Variants in RYR2 observed in about 807,000 individuals in gnomAD.
RYR2 encodes the protein ryanodine receptor 2.
In RYR2, 227 loss-of-function variants were observed where a neutral mutation model predicts 601.1. The ratio of observed to expected loss-of-function variants is 0.38; its 90% CI spans 0.34 to 0.42. The LOEUF (loss-of-function observed/expected upper bound fraction) is 0.42. Among genes scored for constraint, RYR2 ranks in the 10% least tolerant of loss-of-function variants. The pLI is 1.00. For synonymous variants in RYR2, 2,223 were observed against 2,175.1 expected (o/e 1.02, Z -0.61); for missense variants, 4,646 against 6,156.5 (o/e 0.75, Z 8.21).
intron 90 of RYR2, among the ~76,000 whole-genome samples, chr1:237,785,338 T>G (rs1695462390): frequency 6.6e-6 from 1 of 152,222 alleles, no homozygotes; most frequent in Non-Finnish European, 1.5e-5. Context: ...GTTCTGTGAT[T>G]TTCTTTGGCA....
intron 35 of RYR2, among the ~76,000 whole-genome samples, chr1:237,603,788 C>G (rs976663247): frequency 2.0e-5 from 3 of 152,124 alleles, no homozygotes; most frequent in African/African-American, 7.2e-5. Context: ...TCTGATAAAA[C>G]AGACTTTAAA....
chr1:237,654,214 GAA>G (rs3831940), intron 51 of RYR2, 58 bp from the exon 52 acceptor site: 56 of 1,566,022 alleles, frequency 3.6e-5, no homozygotes, highest in African/African-American at 1.7e-4. Flanking sequence ...GAGGAGAAAT[GAA>G]AAAAAAATAT....
Position 237,042,626 on chromosome 1 carries a change from A to G in RYR2, c.48+57A>G, listed in dbSNP as rs990618401. ...GGAAGGGGGCGTCAGGGCATCCACT[A>G]GCGGGGTCCGGGCAGAGTGACAGCG... is the stretch of plus-strand genomic sequence containing the variant. On this transcript the variant is annotated intron_variant, in intron 1 of 104. Transcript: ENST00000366574. 2.4e-6 allele frequency: 3 copies of G among 1,243,708 alleles called. No homozygotes were observed. The African/African-American group carries it at 4.7e-5, about 19-fold the overall frequency. 77.0% of individuals were successfully genotyped at this position (1,243,708 alleles called of 1,614,324 possible).
At chr1:237,742,274 T>C (rs1246004862) in intron 79 of RYR2, 22 bp from the exon 80 acceptor site, 10 of 1,486,508 alleles carry the variant, frequency 6.7e-6, no homozygotes, top group South Asian at 2.6e-5. Context: ...TGTCTCCTTT[T>C]TTTTTTTTTT....
chr1:237,269,788 C>G (rs146315290), intron 1 of RYR2, among the ~76,000 whole-genome samples: 1 of 152,250 alleles, frequency 6.6e-6, no homozygotes, highest in African/African-American at 2.4e-5. Flanking sequence ...TCCTAAAGTC[C>G]GTGATTCCTG....
chr1:237,688,678 T>C (rs1287859906), intron 63 of RYR2, among the ~76,000 whole-genome samples: 2 of 152,192 alleles, frequency 1.3e-5, no homozygotes, highest in African/African-American at 2.4e-5. Flanking sequence ...TTTGTTTAAC[T>C]TCTCTTCAAC....
chr1:237,108,513 T>C (rs1669024111), intron 1 of RYR2, among the ~76,000 whole-genome samples: 1 of 152,242 alleles, frequency 6.6e-6, no homozygotes, highest in African/African-American at 2.4e-5. Context: ...CCTTGCAGCC[T>C]GCAGAAGCTC....
intron 1 of RYR2, among the ~76,000 whole-genome samples, chr1:237,092,061 C>T (rs771093080): frequency 2.0e-5 from 3 of 152,136 alleles, no homozygotes; most frequent in Admixed American, 6.5e-5. Context: ...ATTTGACATA[C>T]GGATACAGCT....
chr1:237,591,109 T>G, intron 31 of RYR2, 117 bp downstream of exon 31: 1 of 174,490 alleles, frequency 5.7e-6, no homozygotes, highest in African/African-American at 3.1e-5. Flanking sequence ...CTCCTCCTCC[T>G]CCTCTTCCCC....
intron 36 of RYR2, among the ~76,000 whole-genome samples, chr1:237,611,614 T>C (rs1384275478): frequency 6.6e-6 from 1 of 152,190 alleles, no homozygotes; most frequent in East Asian, 1.9e-4. Context: ...TAAGCAGCCT[T>C]CTTATCAATA....
intron 73 of RYR2, among the ~76,000 whole-genome samples, chr1:237,719,282 G>A (rs1420506811): frequency 5.3e-5 from 8 of 152,050 alleles, no homozygotes; most frequent in South Asian, 2.1e-4. Context: ...TACATGGAGC[G>A]ATCAGTAATT....
intron 76 of RYR2, 44 bp downstream of exon 76, chr1:237,727,243 T>TC: frequency 2.1e-6 from 2 of 930,570 alleles, no homozygotes. Flanking sequence ...TGTTATTTTT[T>TC]CCTAGTAAGT....
At position 237,325,735 on chromosome 1, in the gene RYR2, G is replaced by A. The variant is rs576826867; in HGVS notation, c.169-5143G>A. Among the ~76,000 whole-genome samples the A allele has an allele frequency of 8.6e-5, 13 of 151,768 alleles. No individual in the cohort carries two copies. The South Asian group carries it at 2.7e-3, about 32-fold the overall frequency. Reference sequence around the variant, plus strand: ...AAAAAATATATTAAAAAAAGAAAAAGGACTGGAAATATGCACACTATAAAG... The same window carrying A: ...AAAAAATATATTAAAAAAAGAAAAAAGACTGGAAATATGCACACTATAAAG... On this transcript the variant is annotated intron_variant, in intron 2 of 104. Transcript: ENST00000366574.
intron 1 of RYR2, among the ~76,000 whole-genome samples, chr1:237,135,139 G>A (rs1466047757): frequency 1.3e-5 from 2 of 152,166 alleles, no homozygotes; most frequent in East Asian, 1.9e-4. Context: ...CCTTATGTAA[G>A]GTTACTCAGA....
intron 91 of RYR2, among the ~76,000 whole-genome samples, chr1:237,787,597 CAAAAAAAAA>C (rs778668137): frequency 1.7e-5 from 1 of 60,396 alleles, no homozygotes; most frequent in African/African-American, 4.6e-5. Context: ...GTCTCAAAAA[CAAAAAAAAA>C]AAAAAAAAAA....
intron 71 of RYR2, among the ~76,000 whole-genome samples, chr1:237,715,018 A>G (rs1214327625): frequency 6.8e-6 from 1 of 148,014 alleles, no homozygotes; most frequent in Non-Finnish European, 1.5e-5. Context: ...AAAAAAAAAA[A>G]AAAAAGGGCT....
intron 10 of RYR2, among the ~76,000 whole-genome samples, chr1:237,392,885 T>C (rs1241474527): frequency 6.6e-6 from 1 of 152,200 alleles, no homozygotes; most frequent in Non-Finnish European, 1.5e-5. Context: ...AGAATGACTA[T>C]GATTTTCTGG....
At chr1:237,523,948 T>C (rs1160161524) in intron 24 of RYR2, among the ~76,000 whole-genome samples, 4 of 152,176 alleles carry the variant, frequency 2.6e-5, no homozygotes, top group African/African-American at 9.7e-5. Flanking sequence ...GAAACCCACA[T>C]GTATTACTGC....
At chr1:237,671,552 A>C (rs1270777971) in intron 58 of RYR2, among the ~76,000 whole-genome samples, 1 of 151,634 alleles carries the variant, frequency 6.6e-6, no homozygotes, top group African/African-American at 2.4e-5. Flanking sequence ...TGTGAGAGAG[A>C]GAGAAATAGA....
Sources: allele counts gnomAD v4.1 joint callset (sites outside exome capture counted in the v4.1 genomes callset), GRCh38; gene constraint gnomAD v4.1.1; transcripts MANE v1.5; gene names NCBI Gene and HGNC (gene_info 2026-07-23, HGNC 2026-07-21).